DYNC1I1: variants seen among roughly 807,000 people sequenced by gnomAD.
DYNC1I1 encodes dynein cytoplasmic 1 intermediate chain 1.
A neutral mutation model predicts 86.6 loss-of-function variants in DYNC1I1; 43 were observed. The observed-to-expected ratio is 0.50, with a 90% CI of 0.39 to 0.64. The LOEUF is 0.64. Among genes scored for constraint, DYNC1I1 ranks in the 30% least tolerant of loss-of-function variants. DYNC1I1 has a pLI of 0.00. For missense variants in DYNC1I1, 604 were observed against 788.8 expected, an observed-to-expected ratio of 0.77 and a Z score of 2.81; for synonymous variants, 262 against 283.7, an observed-to-expected ratio of 0.92 and a Z score of 0.77.
intron 11 of DYNC1I1, among the ~76,000 whole-genome samples, chr7:96,032,326 C>A (rs1794833236): frequency 6.6e-6 from 1 of 152,126 alleles, no homozygotes; most frequent in African/African-American, 2.4e-5. Context: ...GCTTAGAAGC[C>A]AAACTATGCG....
intron 10 of DYNC1I1, among the ~76,000 whole-genome samples, chr7:96,007,813 A>G (rs555930347): frequency 1.3e-5 from 2 of 152,324 alleles, no homozygotes; most frequent in East Asian, 3.9e-4. Flanking sequence ...TATCAGTTGA[A>G]GCAAAGCATA....
chr7:95,954,106 G>A (rs1251403075), intron 6 of DYNC1I1, among the ~76,000 whole-genome samples: 1 of 151,986 alleles, frequency 6.6e-6, no homozygotes, highest in Non-Finnish European at 1.5e-5. Context: ...TATTGAGGGA[G>A]GGAAGGATAT....
intron 11 of DYNC1I1, among the ~76,000 whole-genome samples, chr7:96,030,317 C>G (rs1476605607): frequency 6.9e-6 from 1 of 145,400 alleles, no homozygotes; most frequent in Non-Finnish European, 1.5e-5. Flanking sequence ...TTTCTTCTTC[C>G]TTAATGGTAG....
chr7:95,879,414 C>G (rs1393948404), intron 6 of DYNC1I1, among the ~76,000 whole-genome samples: 3 of 151,702 alleles, frequency 2.0e-5, no homozygotes, highest in Non-Finnish European at 4.4e-5. Context: ...TCTATAGTAA[C>G]TAGCATTAAA....
At chr7:95,952,369 C>T (rs766602856) in intron 6 of DYNC1I1, among the ~76,000 whole-genome samples, 10 of 152,142 alleles carry the variant, frequency 6.6e-5, no homozygotes, top group Non-Finnish European at 1.5e-4. Flanking sequence ...ACTCCCTTCA[C>T]TAATGGCAAA....
intron 9 of DYNC1I1, among the ~76,000 whole-genome samples, chr7:95,989,666 C>A (rs917621385): frequency 3.3e-5 from 5 of 152,166 alleles, no homozygotes; most frequent in African/African-American, 1.2e-4. Context: ...CAGGGTCTCG[C>A]ATGATGTTTG....
chr7:96,035,758 T>A lies in DYNC1I1; in HGVS notation c.1364+6T>A, dbSNP rs753781013. ...ACGGCTTGTCGTCATGGAAGGTGAT[T>A]TTTCTGTTTCTTTACTGATGACATG... On this transcript the variant is annotated splice_donor_region_variant and intron_variant, in intron 13 of 16. Transcript: ENST00000447467. 1 of 1,609,078 alleles carries A rather than the reference T, an allele frequency of 6.2e-7. No homozygotes were observed. The highest frequency in any genetic ancestry group is 2.2e-5 in the East Asian group (1 of 44,640).
intron 16 of DYNC1I1, among the ~76,000 whole-genome samples, chr7:96,080,754 A>G (rs1790491691): frequency 2.6e-5 from 4 of 152,072 alleles, no homozygotes; most frequent in Admixed American, 2.6e-4. Context: ...GGAGTGTGGC[A>G]CTTCCCACTA....
chr7:95,951,496 G>C (rs1366038835), intron 6 of DYNC1I1, among the ~76,000 whole-genome samples: 1 of 152,146 alleles, frequency 6.6e-6, no homozygotes, highest in Non-Finnish European at 1.5e-5. Flanking sequence ...AAGAAAGAAA[G>C]AAGGTAGTTT....
intron 6 of DYNC1I1, among the ~76,000 whole-genome samples, chr7:95,883,040 G>A (rs1189120228): frequency 2.0e-5 from 3 of 152,086 alleles, no homozygotes; most frequent in Admixed American, 1.3e-4. Context: ...GGGTTTCCTA[G>A]TGAAATCTTG....
downstream of DYNC1I1, among the ~76,000 whole-genome samples, chr7:96,100,047 C>G (rs1320716429): frequency 6.6e-6 from 1 of 152,140 alleles, no homozygotes; most frequent in Non-Finnish European, 1.5e-5. Flanking sequence ...GAAAGATGTG[C>G]CTTTCAGATT....
chr7:95,801,874 T>C (rs374430043), intron 1 of DYNC1I1, among the ~76,000 whole-genome samples: 23 of 152,272 alleles, frequency 1.5e-4, no homozygotes, highest in East Asian at 1.4e-3. Context: ...AAGAAAAAGA[T>C]CAGAAGATCT....
At chr7:95,915,787 C>CA (rs758379050) in intron 6 of DYNC1I1, among the ~76,000 whole-genome samples, 12 of 151,962 alleles carry the variant, frequency 7.9e-5, no homozygotes, top group Non-Finnish European at 1.8e-4. Context: ...CCCATATTAA[C>CA]AAAAAAAATT....
chr7:95,999,859 T>TC (rs1793966800), intron 10 of DYNC1I1, among the ~76,000 whole-genome samples: 1 of 152,178 alleles, frequency 6.6e-6, no homozygotes, highest in South Asian at 2.1e-4. Context: ...TCAGTAAACC[T>TC]CATTTCTTCC....
intron 5 of DYNC1I1, among the ~76,000 whole-genome samples, chr7:95,859,014 TTTA>T (rs1358863010): frequency 3.4e-5 from 5 of 147,540 alleles, no homozygotes; most frequent in Non-Finnish European, 7.4e-5. Flanking sequence ...TATTAATATA[TTTA>T]TTATATTTCC....
At chr7:96,109,612 C>T (rs376652378) in intron 16 of DYNC1I1, among the ~76,000 whole-genome samples, 2 of 152,010 alleles carry the variant, frequency 1.3e-5, no homozygotes, top group African/African-American at 4.8e-5. Context: ...CAGAATACTT[C>T]CAAATATTTC....
intron 9 of DYNC1I1, among the ~76,000 whole-genome samples, chr7:95,992,061 T>C (rs1793744158): frequency 6.6e-6 from 1 of 152,098 alleles, no homozygotes; most frequent in Non-Finnish European, 1.5e-5. Flanking sequence ...GGTTTCACCG[T>C]GTTAGCCAGG....
intron 14 of DYNC1I1, among the ~76,000 whole-genome samples, chr7:96,065,260 G>A (rs1211980393): frequency 6.6e-6 from 1 of 151,818 alleles, no homozygotes; most frequent in Non-Finnish European, 1.5e-5. Context: ...CTCCTGCTTT[G>A]TCTAGGTCCT....
intron 15 of DYNC1I1, among the ~76,000 whole-genome samples, chr7:96,077,685 G>A (rs962504562): frequency 8.5e-5 from 13 of 152,108 alleles, no homozygotes; most frequent in Non-Finnish European, 1.6e-4. Flanking sequence ...TTAGGAGACC[G>A]CTGTAGTAGA....
Sources: allele counts gnomAD v4.1 joint callset (sites outside exome capture counted in the v4.1 genomes callset), GRCh38; gene constraint gnomAD v4.1.1; transcripts MANE v1.5; gene names NCBI Gene and HGNC (gene_info 2026-07-23, HGNC 2026-07-21).